Variants in PCSK6 observed in about 807,000 individuals in gnomAD.
The protein encoded by PCSK6 is proprotein convertase subtilisin/kexin type 6.
A neutral mutation model predicts 123.3 loss-of-function variants in PCSK6; 85 were observed. That is an observed-to-expected ratio of 0.69 (90% CI 0.58 to 0.83). The LOEUF (loss-of-function observed/expected upper bound fraction) is 0.83, where lower values mean the gene tolerates loss of function less well. PCSK6 is among the 40% of genes least tolerant of loss of function. PCSK6 has a pLI of 0.00. For synonymous variants in PCSK6, 508 were observed against 516.0 expected, an observed-to-expected ratio of 0.98 and a Z score of 0.21; for missense variants, 1,191 against 1,282.3, an observed-to-expected ratio of 0.93 and a Z score of 1.09.
chr15:101,418,916 A>G (rs1281363898), intron 6 of PCSK6, among the ~76,000 whole-genome samples: 1 of 152,246 alleles, frequency 6.6e-6, no homozygotes, highest in Non-Finnish European at 1.5e-5. Flanking sequence ...AATATTCAAC[A>G]TCCATTCCTG....
At chr15:101,473,327 C>T (rs1388851006) in intron 1 of PCSK6, among the ~76,000 whole-genome samples, 1 of 152,280 alleles carries the variant, frequency 6.6e-6, no homozygotes, top group East Asian at 1.9e-4. Flanking sequence ...ACTACAGCCT[C>T]GAACTTCTGG....
chr15:101,437,530 C>T (rs2056636385), intron 2 of PCSK6, among the ~76,000 whole-genome samples: 1 of 152,188 alleles, frequency 6.6e-6, no homozygotes, highest in Admixed American at 6.5e-5. Flanking sequence ...TCCCTCCCCA[C>T]TGCCTCCCCT....
intron 6 of PCSK6, among the ~76,000 whole-genome samples, chr15:101,407,073 C>T (rs1183676779): frequency 1.3e-5 from 2 of 151,854 alleles, no homozygotes; most frequent in Admixed American, 6.6e-5. Context: ...AAGAGAAGGG[C>T]CGTGACCAGC....
At chr15:101,403,059 G>A (rs2042642048) in intron 6 of PCSK6, among the ~76,000 whole-genome samples, 1 of 152,018 alleles carries the variant, frequency 6.6e-6, no homozygotes, top group African/African-American at 2.4e-5. Flanking sequence ...AAGAAAGTGT[G>A]GCACATATAC....
intron 13 of PCSK6, among the ~76,000 whole-genome samples, chr15:101,355,740 AG>A (rs2041017221): frequency 6.6e-6 from 1 of 152,244 alleles, no homozygotes; most frequent in African/African-American, 2.4e-5. Flanking sequence ...TGGGGGCCCC[AG>A]GTCATGAGGA....
intron 6 of PCSK6, among the ~76,000 whole-genome samples, chr15:101,403,365 C>T (rs536925413): frequency 0.013 from 1,890 of 147,690 alleles, 28 homozygotes; most frequent in African/African-American, 0.03. Flanking sequence ...GGCACATGTA[C>T]ACATATGTAA....
chr15:101,393,514 G>A, intron 7 of PCSK6, 90 bp from the exon 8 acceptor site: 1 of 961,612 alleles, frequency 1.0e-6, no homozygotes, highest in Non-Finnish European at 1.5e-6. Context: ...TCTCCCAAAT[G>A]TTCCTTCAAA....
At chr15:101,389,667 C>T in intron 8 of PCSK6, 103 bp from the exon 9 acceptor site, 1 of 862,890 alleles carries the variant, frequency 1.2e-6, no homozygotes, top group South Asian at 1.6e-5. Context: ...GCAAGCGTGA[C>T]CCTGGGTCTC....
intron 1 of PCSK6, among the ~76,000 whole-genome samples, chr15:101,486,026 C>T (rs1374251306): frequency 7.2e-5 from 10 of 138,318 alleles, no homozygotes; most frequent in Non-Finnish European, 1.2e-4. Context: ...TGCAATGGTG[C>T]GGTCTCGGTT....
intron 6 of PCSK6, among the ~76,000 whole-genome samples, chr15:101,422,230 G>T (rs1195019851): frequency 6.6e-6 from 1 of 151,980 alleles, no homozygotes; most frequent in East Asian, 1.9e-4. Context: ...ATTGAGAGGA[G>T]AAATTTCAGA....
At position 101,431,331 on chromosome 15, in the gene PCSK6, C is replaced by T; in HGVS notation, c.646G>A (p.Ala216Thr). ...DGIERNHPDLAPNYDSYASYD... is the reference protein window; with the variant it reads ...DGIERNHPDLTPNYDSYASYD... ...GAGGATTGACTTACATAATTTGGGG[C>T]CAGGTCAGGGTGATTTCTCTCTATG... The change falls in exon 4 of 22, where the codon GCC becomes ACC. Residue 216 changes from alanine to threonine, a missense_variant. Around this residue, in one of 3 missense-constraint regions of PCSK6, gnomAD observed 357 missense variants for 484.5 expected, o/e 0.74. Transcript: ENST00000611716. 6.2e-7 allele frequency: 1 copy of T among 1,613,916 alleles called. No homozygotes were observed. The highest frequency in any genetic ancestry group is 8.5e-7 in the Non-Finnish European group (1 of 1,179,866).
At position 101,437,887 on chromosome 15, in the gene PCSK6, G is replaced by A. The variant is rs116442295; in HGVS notation, c.402+5669C>T. On this transcript the variant is annotated intron_variant, in intron 2 of 21. Transcript: ENST00000611716. ...AATTCTTATGTTGAAATCTTAACCC[G>A]GGGTAGCTCAGAACGTGACTGTAAT... 3.1e-3 allele frequency among the ~76,000 whole-genome samples: 470 copies of A among 152,172 alleles called. 3 individuals carry two copies. Among genetic ancestry groups the A allele is most frequent in the African/African-American group, 0.01 (432 of 41,486 alleles).
intron 13 of PCSK6, among the ~76,000 whole-genome samples, chr15:101,358,970 C>T (rs1387660684): frequency 1.3e-5 from 2 of 152,188 alleles, no homozygotes; most frequent in Non-Finnish European, 2.9e-5. Context: ...GCTGGTGGGA[C>T]CCAGGCTCCC....
At chr15:101,391,482 A>G (rs1318518235) in intron 8 of PCSK6, among the ~76,000 whole-genome samples, 1 of 152,196 alleles carries the variant, frequency 6.6e-6, no homozygotes, top group Non-Finnish European at 1.5e-5. Context: ...TCCTAGTGCC[A>G]CGCCTGGGAC....
intron 11 of PCSK6, among the ~76,000 whole-genome samples, chr15:101,371,788 G>A (rs1039860817): frequency 5.9e-5 from 9 of 152,332 alleles, no homozygotes; most frequent in South Asian, 2.1e-4. Flanking sequence ...GACACAGCTC[G>A]GAGTTCGGAG....
intron 7 of PCSK6, among the ~76,000 whole-genome samples, chr15:101,394,822 C>T (rs941117034): frequency 1.3e-5 from 2 of 152,262 alleles, no homozygotes; most frequent in South Asian, 2.1e-4. Flanking sequence ...CCAAGAAAGC[C>T]CACAGGAAAG....
At chr15:101,481,232 G>C (rs1423871750) in intron 1 of PCSK6, among the ~76,000 whole-genome samples, 1 of 152,048 alleles carries the variant, frequency 6.6e-6, no homozygotes, top group Non-Finnish European at 1.5e-5. Context: ...CCAGACGAAG[G>C]GTACATCCGG....
At chr15:101,459,217 C>T (rs1166872266) in intron 1 of PCSK6, among the ~76,000 whole-genome samples, 1 of 152,174 alleles carries the variant, frequency 6.6e-6, no homozygotes, top group Non-Finnish European at 1.5e-5. Context: ...CCTCACACAC[C>T]CTTGGCTTAG....
chr15:101,389,244 T>C (rs991756964), intron 9 of PCSK6, among the ~76,000 whole-genome samples: 1 of 152,158 alleles, frequency 6.6e-6, no homozygotes, highest in African/African-American at 2.4e-5. Context: ...CAGCCTGAGC[T>C]GACTAACCTG....
Sources: gnomAD v4.1 joint callset for allele counts (sites outside exome capture counted in the v4.1 genomes callset) on GRCh38, gnomAD v4.1.1 for gene constraint, gnomAD v4.1.1 regional missense constraint, MANE v1.5 for transcripts, NCBI Gene and HGNC (gene_info 2026-07-23, HGNC 2026-07-21) for gene names.